Variants in PPM1H observed in about 807,000 individuals in gnomAD.
The protein encoded by PPM1H is protein phosphatase, Mg2+/Mn2+ dependent 1H.
PPM1H carries 27 observed loss-of-function variants against 54.9 expected under a neutral mutation model. The observed-to-expected ratio is 0.49, with a 90% CI of 0.36 to 0.68. The LOEUF is 0.68. Ranked by LOEUF, PPM1H falls within the 30% of genes least tolerant of loss-of-function variation. The pLI is 0.00. For synonymous variants in PPM1H, 305 were observed against 270.8 expected (o/e 1.13, Z -1.24); for missense variants, 596 against 667.8 (o/e 0.89, Z 1.19).
chr12:62,831,695 C>A (rs554944875), intron 2 of PPM1H, among the ~76,000 whole-genome samples: 127 of 138,700 alleles, frequency 9.2e-4, no homozygotes, highest in Middle Eastern at 8.1e-3. Flanking sequence ...AACCGTCAAA[C>A]ATTGTGTGTG....
chr12:62,654,700 C>T (rs186461315), intron 9 of PPM1H, among the ~76,000 whole-genome samples: 62 of 152,322 alleles, frequency 4.1e-4, no homozygotes, highest in African/African-American at 1.4e-3. Flanking sequence ...AACTGAGTTG[C>T]TGCAGACCTG....
chr12:62,864,159 G>A (rs1426524067), intron 1 of PPM1H, among the ~76,000 whole-genome samples: 2 of 152,156 alleles, frequency 1.3e-5, no homozygotes, highest in East Asian at 3.8e-4. Flanking sequence ...TAATGTGCAA[G>A]ACAGCCCTCG....
chr12:62,851,113 C>G (rs372175483), intron 1 of PPM1H, among the ~76,000 whole-genome samples: 5 of 151,998 alleles, frequency 3.3e-5, no homozygotes, highest in African/African-American at 1.2e-4. Flanking sequence ...TTCTAAACAC[C>G]CAGACTTTGG....
intron 4 of PPM1H, among the ~76,000 whole-genome samples, chr12:62,754,486 G>A (rs1565778807): frequency 6.6e-6 from 1 of 152,328 alleles, no homozygotes; most frequent in South Asian, 2.1e-4. Context: ...AGAATGGTTT[G>A]AGCCCAGGAG....
At chr12:62,818,247 CCCT>C (rs1435850984) in intron 2 of PPM1H, among the ~76,000 whole-genome samples, 14 of 152,128 alleles carry the variant, frequency 9.2e-5, no homozygotes, top group African/African-American at 3.1e-4. Context: ...TCACTTGGTA[CCCT>C]CCTCCTCTTA....
intron 6 of PPM1H, among the ~76,000 whole-genome samples, chr12:62,708,329 C>T (rs2076186913): frequency 6.6e-6 from 1 of 152,082 alleles, no homozygotes; most frequent in Non-Finnish European, 1.5e-5. Context: ...TAGGGTAAGC[C>T]CAGAAGCAAG....
At chr12:62,659,390 T>TAAG (rs1390888508) in intron 9 of PPM1H, among the ~76,000 whole-genome samples, 10 of 151,784 alleles carry the variant, frequency 6.6e-5, no homozygotes, top group Non-Finnish European at 1.3e-4. Flanking sequence ...CAAAAGGACT[T>TAAG]AAGATACACC....
At chr12:62,776,708 A>C in intron 4 of PPM1H, among the ~76,000 whole-genome samples, 1 of 151,822 alleles carries the variant, frequency 6.6e-6, no homozygotes, top group East Asian at 1.9e-4. Context: ...CCATTTCAAC[A>C]CTCTACCTCC....
At chr12:62,802,625 G>C (rs1369110513) in intron 2 of PPM1H, among the ~76,000 whole-genome samples, 2 of 150,726 alleles carry the variant, frequency 1.3e-5, no homozygotes, top group Non-Finnish European at 2.9e-5. Flanking sequence ...GTTCAGTGGC[G>C]CGATCTAGGC....
chr12:62,726,154 G>A (rs186653606), intron 5 of PPM1H, among the ~76,000 whole-genome samples: 1 of 152,290 alleles, frequency 6.6e-6, no homozygotes, highest in Non-Finnish European at 1.5e-5. Context: ...TGGCATTAAA[G>A]GAACTCTTCT....
intron 1 of PPM1H, among the ~76,000 whole-genome samples, chr12:62,926,782 C>G (rs1233390836): frequency 6.6e-6 from 1 of 152,082 alleles, no homozygotes; most frequent in African/African-American, 2.4e-5. Flanking sequence ...TGGAGAAACC[C>G]CATCTGTACT....
intron 1 of PPM1H, among the ~76,000 whole-genome samples, chr12:62,846,778 C>T (rs1338977551): frequency 6.6e-6 from 1 of 152,124 alleles, no homozygotes; most frequent in African/African-American, 2.4e-5. Context: ...GGCTATTTTG[C>T]ATGCACTTTA....
chr12:62,904,528 G>A (rs892942349), intron 1 of PPM1H, among the ~76,000 whole-genome samples: 3 of 152,094 alleles, frequency 2.0e-5, no homozygotes, highest in Admixed American at 1.3e-4. Flanking sequence ...TGCTGCACCC[G>A]ACGGCTTCAT....
chr12:62,723,997 A>G (rs909421647), intron 5 of PPM1H, among the ~76,000 whole-genome samples: 11 of 152,152 alleles, frequency 7.2e-5, no homozygotes, highest in African/African-American at 2.7e-4. Context: ...CCCAGAAAAT[A>G]GATCATTAAG....
chr12:62,865,534 C>G (rs555246271), intron 1 of PPM1H, among the ~76,000 whole-genome samples: 1 of 152,290 alleles, frequency 6.6e-6, no homozygotes, highest in South Asian at 2.1e-4. Flanking sequence ...GGCCCTTTGT[C>G]ATTTTTTTAA....
rs111647586 is a variant in PPM1H, at chr12:62,865,732, A to G, written c.246-33453T>C. Among the ~76,000 whole-genome samples, 826 of 152,190 alleles carry G rather than the reference A, an allele frequency of 5.4e-3. 9 individuals carry two copies. The highest frequency in any genetic ancestry group is 0.019 in the African/African-American group (779 of 41,522). ...AGGCTGGTCTCGAACCCTGGGATCA[A>G]ATGATCCACCTGCCTTGGCCTCCCA... On this transcript the variant is annotated intron_variant, in intron 1 of 9. Transcript: ENST00000228705.
chr12:62,914,008 A>G (rs1319259158), intron 1 of PPM1H, among the ~76,000 whole-genome samples: 3 of 152,060 alleles, frequency 2.0e-5, no homozygotes, highest in Non-Finnish European at 4.4e-5. Context: ...CCCAATATAC[A>G]TTTCTATAAG....
chr12:62,768,430 C>T lies in PPM1H; in HGVS notation c.869+19796G>A, dbSNP rs542066123. Among the ~76,000 whole-genome samples, 6 of 152,132 alleles carry T rather than the reference C, an allele frequency of 3.9e-5. No homozygotes were observed. In the South Asian group the frequency reaches 8.3e-4, roughly 21 times the overall value. On this transcript the variant is annotated intron_variant, in intron 4 of 9. Transcript: ENST00000228705. ...CAGCTTTTTGGGAGGCCAAGGTGGG[C>T]GGATCATGAGGTCAGGACTTCGAGA...
intron 8 of PPM1H, among the ~76,000 whole-genome samples, chr12:62,677,293 G>T (rs2075993141): frequency 6.6e-6 from 1 of 152,208 alleles, no homozygotes; most frequent in Non-Finnish European, 1.5e-5. Flanking sequence ...CCACTGAATG[G>T]CGGGACTGAA....
Sources: gnomAD v4.1 joint callset for allele counts (sites outside exome capture counted in the v4.1 genomes callset) on GRCh38, gnomAD v4.1.1 for gene constraint, MANE v1.5 for transcripts, NCBI Gene and HGNC (gene_info 2026-07-23, HGNC 2026-07-21) for gene names.